The following PTPRF variants were observed in gnomAD, a reference collection of about 807,000 sequenced individuals.
The protein encoded by PTPRF is protein tyrosine phosphatase receptor type F.
In PTPRF, 59 loss-of-function variants were observed where a neutral mutation model predicts 201.8. The ratio of observed to expected loss-of-function variants is 0.29; its 90% CI spans 0.24 to 0.36. The LOEUF (loss-of-function observed/expected upper bound fraction) is 0.36. Among genes scored for constraint, PTPRF ranks in the 10% least tolerant of loss-of-function variants. The probability of loss-of-function intolerance (pLI) is 1.00; values close to 1 mark genes in which losing one functional copy is unlikely to be tolerated. For missense variants in PTPRF, 2,132 were observed against 2,690.5 expected, an observed-to-expected ratio of 0.79 and a Z score of 4.59; for synonymous variants, 1,088 against 1,089.7, an observed-to-expected ratio of 1.00 and a Z score of 0.03.
At chr1:43,621,347 T>C in intron 33 of PTPRF, 115 bp downstream of exon 33, 1 of 1,383,210 alleles carries the variant, frequency 7.2e-7, no homozygotes, top group Non-Finnish European at 9.8e-7. Flanking sequence ...GCTGCCAACC[T>C]TTCACGTGGC....
intron 13 of PTPRF, among the ~76,000 whole-genome samples, chr1:43,599,275 C>T (rs1475345269): frequency 6.6e-6 from 1 of 152,126 alleles, no homozygotes; most frequent in Admixed American, 6.5e-5. Flanking sequence ...AGGGTTTCAC[C>T]ATATTGGCCA....
At chr1:43,600,623 A>G (rs1653518038) in intron 13 of PTPRF, among the ~76,000 whole-genome samples, 1 of 151,730 alleles carries the variant, frequency 6.6e-6, no homozygotes, top group Non-Finnish European at 1.5e-5. Context: ...ATCCCCCATC[A>G]TGCCTGAAGG....
At chr1:43,619,594 C>T (rs752579693) in intron 28 of PTPRF, 21 bp downstream of exon 28, 3 of 1,610,606 alleles carry the variant, frequency 1.9e-6, no homozygotes, top group South Asian at 2.2e-5. Context: ...GGTGGGCCTG[C>T]TTGGCTCCAG....
In PTPRF at chr1:43,613,686, G is replaced by A. The variant is rs748296641; in HGVS notation, c.4042G>A (p.Asp1348Asn). 78 of 1,614,034 alleles carry A rather than the reference G, an allele frequency of 4.8e-5. No homozygotes were observed. In the Middle Eastern group the frequency reaches 4.9e-4, roughly 10 times the overall value. The change falls in exon 23 of 34, where the codon GAT (aspartate) becomes AAT (asparagine). Residue 1348 changes from aspartate to asparagine, a missense_variant. Around this residue, in one of 6 missense-constraint regions of PTPRF, gnomAD observed 818 missense variants for 915.3 expected, o/e 0.89. Transcript: ENST00000359947. ...CAACATCGAGCGCCTCAAAGCCAAC[G>A]ATGGCCTCAAGTTCTCCCAGGAGTA... ...ADNIERLKAN[D>N]GLKFSQEYES...
At position 43,571,685 on chromosome 1, in the gene PTPRF, C is replaced by T. The variant is rs948034753; in HGVS notation, c.568+1907C>T. Among the ~76,000 whole-genome samples, 9 of 152,322 alleles carry T rather than the reference C, an allele frequency of 5.9e-5. No individual in the cohort carries two copies. In the South Asian group the frequency reaches 6.2e-4, roughly 11 times the overall value. ...CACCAGACACTGCTTTCCCTGCCTCCGGGCCCTCCCGAGAATCCATCATCC... is the reference window on the plus strand; with the variant it reads ...CACCAGACACTGCTTTCCCTGCCTCTGGGCCCTCCCGAGAATCCATCATCC... On this transcript the variant is annotated intron_variant, in intron 6 of 33. Coordinates refer to ENST00000359947, the MANE Select transcript of PTPRF (RefSeq NM_002840.5).
chr1:43,599,930 A>G lies in PTPRF; in HGVS notation c.2313+1017A>G, dbSNP rs191564040. 7.0e-4 allele frequency among the ~76,000 whole-genome samples: 106 copies of G among 152,180 alleles called. 1 individual carries two copies. The highest frequency in any genetic ancestry group is 2.4e-3 in the African/African-American group (98 of 41,514). The stretch of plus-strand genomic sequence containing the variant: ...CCCTATCCAGGAGCAGGGCCTCCCC[A>G]TTGAGCCTCTCACCTCTGCCTGGGT... On this transcript the variant is annotated intron_variant, in intron 13 of 33. Coordinates refer to ENST00000359947, the MANE Select transcript of PTPRF (RefSeq NM_002840.5).
chr1:43,573,173 C>T (rs764695533), intron 6 of PTPRF, among the ~76,000 whole-genome samples: 46 of 152,072 alleles, frequency 3.0e-4, no homozygotes, highest in Admixed American at 6.5e-5. Flanking sequence ...GAACTTGAGA[C>T]CGGGGTAGGC....
chr1:43,598,617 TG>T, intron 12 of PTPRF, 102 bp from the exon 13 acceptor site: 10 of 1,095,396 alleles, frequency 9.1e-6, no homozygotes, highest in Non-Finnish European at 1.3e-5. Flanking sequence ...GGGCCTTTCC[TG>T]GGGGAGTGGG....
At chr1:43,599,657 C>T in intron 13 of PTPRF, among the ~76,000 whole-genome samples, 1 of 152,232 alleles carries the variant, frequency 6.6e-6, no homozygotes, top group East Asian at 1.9e-4. Context: ...GAGGATGGTC[C>T]TGCCCTTGAG....
intron 23 of PTPRF, among the ~76,000 whole-genome samples, chr1:43,615,638 C>T (rs1657646888): frequency 7.0e-6 from 1 of 142,308 alleles, no homozygotes; most frequent in African/African-American, 2.6e-5. Context: ...GTGATCTCGG[C>T]TCAGTGCAAG....
At chr1:43,523,547 G>A (rs1286395074), upstream of PTPRF, among the ~76,000 whole-genome samples, 1 of 152,096 alleles carries the variant, frequency 6.6e-6, no homozygotes, top group African/African-American at 2.4e-5. Context: ...AAGAAGTTAG[G>A]GTTTGAAGAA....
intron 11 of PTPRF, among the ~76,000 whole-genome samples, chr1:43,594,524 G>A (rs1651764794): frequency 6.6e-6 from 1 of 152,014 alleles, no homozygotes; most frequent in African/African-American, 2.4e-5. Flanking sequence ...GAATGGACAG[G>A]GCAGCCTGTG....
At chr1:43,550,170 G>A (rs977472268) in intron 3 of PTPRF, among the ~76,000 whole-genome samples, 3 of 152,146 alleles carry the variant, frequency 2.0e-5, no homozygotes, top group African/African-American at 7.2e-5. Flanking sequence ...CGGGCAGGGT[G>A]CAGGCTCCTC....
chr1:43,592,029 TC>T lies in PTPRF; in HGVS notation c.1668+82del. 3 of 1,570,098 alleles carry T rather than the reference TC, an allele frequency of 1.9e-6. No homozygotes were observed. The South Asian group carries it at 3.5e-5, about 18-fold the overall frequency. ...ATGGGCTTAACCCAGGAGGGTATTT[TC>T]TGGATTCTGTGGCTTATGTGGGCAC... is the stretch of plus-strand genomic sequence containing the variant. On this transcript the variant is annotated intron_variant, in intron 10 of 33. Transcript: ENST00000359947.
intron 5 of PTPRF, among the ~76,000 whole-genome samples, chr1:43,558,294 G>A (rs1645532875): frequency 6.6e-6 from 1 of 152,122 alleles, no homozygotes. Flanking sequence ...AGGAGTCCAG[G>A]CCTGCAGTCT....
chr1:43,593,580 A>G (rs1651435757), intron 11 of PTPRF, among the ~76,000 whole-genome samples: 1 of 152,334 alleles, frequency 6.6e-6, no homozygotes, highest in Middle Eastern at 3.4e-3. Context: ...TGGCCATGTG[A>G]TGACCAGAAA....
In PTPRF at chr1:43,603,782, T is replaced by C; in HGVS notation, c.2630T>C (p.Phe877Ser). ...TIDFGKDDQH[F>S]TVTGLHKGTT... is the part of the protein sequence containing the mutation. ...GATTTCGGCAAGGATGACCAGCACT[T>C]CACAGTCACCGGCCTGCACAAGGGG... Residue 877 changes from phenylalanine to serine, a missense_variant, in exon 16 of 34, where the codon TTC (phenylalanine) becomes TCC (serine). By Grantham distance (155) the Phe-to-Ser change is radical. Around this residue, in one of 6 missense-constraint regions of PTPRF, gnomAD observed 818 missense variants for 915.3 expected, o/e 0.89. Coordinates refer to ENST00000359947, the MANE Select transcript of PTPRF (RefSeq NM_002840.5). The surrounding 1 kb of genome is among the most constrained non-coding windows in gnomAD (Gnocchi z 5.8). 6.2e-7 allele frequency: 1 copy of C among 1,614,032 alleles called. No individual in the cohort carries two copies. The highest frequency in any genetic ancestry group is 8.5e-7 in the Non-Finnish European group (1 of 1,180,018).
At chr1:43,605,908 G>T (rs191912358) in intron 19 of PTPRF, among the ~76,000 whole-genome samples, 1 of 152,324 alleles carries the variant, frequency 6.6e-6, no homozygotes, top group African/African-American at 2.4e-5. Context: ...GCAGAGCCTC[G>T]CAGATCTAGA....
At chr1:43,595,291 A>G (rs1474447683) in intron 11 of PTPRF, among the ~76,000 whole-genome samples, 4 of 151,526 alleles carry the variant, frequency 2.6e-5, no homozygotes, top group Non-Finnish European at 5.9e-5. Flanking sequence ...GCTCACTGCA[A>G]CCTCCGTCCA....
Sources: gnomAD v4.1 joint callset for allele counts (sites outside exome capture counted in the v4.1 genomes callset) on GRCh38, gnomAD v4.1.1 for gene constraint, gnomAD v4.1.1 regional missense constraint, Gnocchi (gnomAD v3.1) non-coding constraint, MANE v1.5 for transcripts, NCBI Gene and HGNC (gene_info 2026-07-23, HGNC 2026-07-21) for gene names.